ELOA: variants seen among roughly 807,000 people sequenced by gnomAD.
The protein encoded by ELOA is elongin A.
A neutral mutation model predicts 85.2 loss-of-function variants in ELOA; 15 were observed. That is an observed-to-expected ratio of 0.18 (90% CI 0.12 to 0.27). The LOEUF is 0.27. Ranked by LOEUF, ELOA falls within the 10% of genes least tolerant of loss-of-function variation. The probability of loss-of-function intolerance (pLI) is 1.00; values close to 1 mark genes in which losing one functional copy is unlikely to be tolerated. For missense variants in ELOA, 769 were observed against 952.7 expected, an observed-to-expected ratio of 0.81 and a Z score of 2.54; for synonymous variants, 348 against 357.2, an observed-to-expected ratio of 0.97 and a Z score of 0.29.
In ELOA at chr1:23,752,480, C is replaced by T; in HGVS notation, c.1499C>T (p.Ser500Phe). 1 of 1,614,122 alleles carries T rather than the reference C, an allele frequency of 6.2e-7. No individual in the cohort carries two copies. The highest frequency in any genetic ancestry group is 1.7e-4 in the Middle Eastern group (1 of 6,060). ...CAGGCCAATTACCGTCCACTGCCTT[C>T]CCTCGAGCTGATATCCTCCTTCCAG... ...AIQANYRPLP[S>F]LELISSFQPK... Residue 500 changes from serine to phenylalanine, a missense_variant, in exon 5 of 11, where the codon TCC becomes TTC. Physicochemically the swap from Ser to Phe is radical, Grantham distance 155. Around this residue, in one of 4 missense-constraint regions of ELOA, gnomAD observed 193 missense variants for 278.9 expected, o/e 0.69. Coordinates refer to ENST00000613537, the MANE Select transcript of ELOA (RefSeq NM_003198.3).
intron 1 of ELOA, among the ~76,000 whole-genome samples, chr1:23,746,608 CAA>C (rs55782205): frequency 1.0e-3 from 71 of 68,420 alleles, no homozygotes; most frequent in South Asian, 2.8e-3. Flanking sequence ...ACTCCATCTC[CAA>C]AAAAAAAAAA....
rs1413100173 is a variant in ELOA, at chr1:23,759,495, T to C, written c.2258-17T>C. 1 of 1,614,180 alleles carries C rather than the reference T, an allele frequency of 6.2e-7. No individual in the cohort carries two copies. Among genetic ancestry groups the C allele is most frequent in the Non-Finnish European group, 8.5e-7 (1 of 1,179,986 alleles). On this transcript the variant is annotated splice_polypyrimidine_tract_variant and intron_variant, in intron 10 of 10. Transcript: ENST00000613537. The stretch of plus-strand genomic sequence containing the variant: ...CGCCACAGATCTGAGACAGCTGCCT[T>C]GTTTCTCTTTTCACAGAAATTGCCC...
At position 23,761,964 on chromosome 1, in the gene ELOA, A is replaced by G. The variant is rs1350464430; in HGVS notation, c.*2391A>G. ...TCCCAAAATGTAAATACAATTTTCT[A>G]TGTTACTTTTTTGTGGTAACTACCG... On this transcript the variant is annotated 3_prime_UTR_variant, in exon 11 of 11. Transcript: ENST00000613537. 6.6e-6 allele frequency: 1 copy of G among 152,112 alleles called. No homozygotes were observed. Among genetic ancestry groups the G allele is most frequent in the South Asian group, 2.1e-4 (1 of 4,826 alleles). 9.4% of individuals were successfully genotyped at this position (152,112 alleles called of 1,614,324 possible). A position where few individuals can be genotyped will look rare whatever the true frequency, so the allele number is the denominator to read the frequency against.
chr1:23,759,915 G>C lies in ELOA; in HGVS notation c.*342G>C, dbSNP rs1638267142. Reference sequence around the variant, plus strand: ...AGATTGTATTTATATTATCCCCCAGGTTTGTTTTTGTTTTTTGTCCTCTAC... The same window carrying C: ...AGATTGTATTTATATTATCCCCCAGCTTTGTTTTTGTTTTTTGTCCTCTAC... On this transcript the variant is annotated 3_prime_UTR_variant, in exon 11 of 11. Coordinates refer to ENST00000613537, the MANE Select transcript of ELOA (RefSeq NM_003198.3). The C allele has an allele frequency of 4.1e-6, 1 of 241,932 alleles. No individual in the cohort carries two copies. The allele number at this position is 241,932 out of a possible 1,614,324, so 15.0% of individuals were successfully genotyped here. A position where few individuals can be genotyped will look rare whatever the true frequency, so the allele number is the denominator to read the frequency against.
At position 23,751,274 on chromosome 1, in the gene ELOA, G is replaced by A; in HGVS notation, c.669G>A (p.Gly223=). The change falls in exon 4 of 11, where the codon GGG becomes GGA. Residue 223 remains glycine, a synonymous_variant. Coordinates refer to ENST00000613537, the MANE Select transcript of ELOA (RefSeq NM_003198.3). ...GHSNAFQDRL[G]ASQERHLGEP... Reference sequence around the variant, plus strand: ...GCAATGCCTTTCAGGACAGACTCGGGGCCAGCCAAGAACGACACCTGGGTG... The same window carrying A: ...GCAATGCCTTTCAGGACAGACTCGGAGCCAGCCAAGAACGACACCTGGGTG... 6.2e-7 allele frequency: 1 copy of A among 1,614,198 alleles called. No homozygotes were observed. The highest frequency in any genetic ancestry group is 1.1e-5 in the South Asian group (1 of 91,082).
chr1:23,751,297 G>C lies in ELOA; in HGVS notation c.692G>C (p.Gly231Ala). Residue 231 changes from glycine (G) to alanine (A), a missense_variant, in exon 4 of 11, where the codon GGT (glycine) becomes GCT (alanine). Physicochemically the swap from Gly to Ala is moderately conservative, Grantham distance 60 (BLOSUM62 0). Coordinates refer to ENST00000613537, the MANE Select transcript of ELOA (RefSeq NM_003198.3). ...GGGGCCAGCCAAGAACGACACCTGG[G>C]TGAACCCCATGGGAAAGGGGTTGTG... is the stretch of plus-strand genomic sequence containing the variant. ...RLGASQERHL[G>A]EPHGKGVVSQ... 6.2e-7 allele frequency: 1 copy of C among 1,614,208 alleles called. No individual in the cohort carries two copies. Among genetic ancestry groups the C allele is most frequent in the Non-Finnish European group, 8.5e-7 (1 of 1,180,040 alleles).
chr1:23,758,463 C>T (rs954202756), intron 10 of ELOA, among the ~76,000 whole-genome samples: 1 of 149,056 alleles, frequency 6.7e-6, no homozygotes, highest in Non-Finnish European at 1.5e-5. Context: ...TTAGTAGACA[C>T]GGGGTTTCAC....
chr1:23,758,281 TTTTTTTTTTG>T, intron 10 of ELOA, among the ~76,000 whole-genome samples: 2 of 112,336 alleles, frequency 1.8e-5, no homozygotes, highest in African/African-American at 6.9e-5. Context: ...TTTTTTTTTT[TTTTTTTTTTG>T]GAGACAGAGT....
At position 23,757,137 on chromosome 1, in the gene ELOA, G is replaced by A; in HGVS notation, c.2257+12G>A. 5.2e-6 allele frequency: 8 copies of A among 1,525,892 alleles called. No individual in the cohort carries two copies. The highest frequency in any genetic ancestry group is 1.3e-5 in the South Asian group (1 of 78,832). 94.5% of individuals were successfully genotyped at this position (1,525,892 alleles called of 1,614,324 possible). ...ACCCACTGTGAAGAGTAAGTAACTT[G>A]GAGTTCCTGCTCAAATATTATTTCA... On this transcript the variant is annotated intron_variant, in intron 10 of 10. Transcript: ENST00000613537.
In ELOA at chr1:23,750,974, C is replaced by A. The variant is rs908840064; in HGVS notation, c.369C>A (p.Ser123=). The change falls in exon 4 of 11, where the codon TCC becomes TCA. Residue 123 remains serine, a synonymous_variant. Transcript: ENST00000613537. ...QETWKATGSR[S]YSPDHRQKKH... ...CCTGGAAAGCCACGGGGAGCCGATC[C>A]TATAGCCCTGACCACAGGCAGAAGA... The A allele has an allele frequency of 6.2e-7, 1 of 1,614,034 alleles. No individual in the cohort carries two copies. The highest frequency in any genetic ancestry group is 8.5e-7 in the Non-Finnish European group (1 of 1,180,018).
chr1:23,754,962 G>C (rs1644787996), intron 7 of ELOA, among the ~76,000 whole-genome samples: 1 of 149,600 alleles, frequency 6.7e-6, no homozygotes, highest in African/African-American at 2.5e-5. Context: ...TTGGAGATAG[G>C]GTCTACCTCT....
Position 23,759,414 on chromosome 1 carries a change from C to T in ELOA, c.2258-98C>T, listed in dbSNP as rs935596991. ...ACTTGTATCTCTGCCTGGTGGTGCA[C>T]AGCCAAGAATAGCAGAGCTGGCTTT... On this transcript the variant is annotated intron_variant, in intron 10 of 10. Coordinates refer to ENST00000613537, the MANE Select transcript of ELOA (RefSeq NM_003198.3). 86 of 1,200,842 alleles carry T rather than the reference C, an allele frequency of 7.2e-5. No homozygotes were observed. In the East Asian group the frequency reaches 2.0e-3, roughly 28 times the overall value. The allele number at this position is 1,200,842 out of a possible 1,614,324, so 74.4% of individuals were successfully genotyped here.
In ELOA at chr1:23,759,901, A is replaced by G. The variant is rs1638266865; in HGVS notation, c.*328A>G. On this transcript the variant is annotated 3_prime_UTR_variant, in exon 11 of 11. Coordinates refer to ENST00000613537, the MANE Select transcript of ELOA (RefSeq NM_003198.3). The stretch of plus-strand genomic sequence containing the variant: ...TAAATATTGCCCCCAGATTGTATTT[A>G]TATTATCCCCCAGGTTTGTTTTTGT... 7.3e-6 allele frequency: 2 copies of G among 274,168 alleles called. No individual in the cohort carries two copies. The highest frequency in any genetic ancestry group is 2.2e-5 in the African/African-American group (1 of 44,664). The allele number at this position is 274,168 out of a possible 1,614,324, so 17.0% of individuals were successfully genotyped here.
intron 5 of ELOA, among the ~76,000 whole-genome samples, chr1:23,752,900 G>A (rs1470113460): frequency 2.0e-5 from 3 of 151,998 alleles, no homozygotes; most frequent in East Asian, 1.9e-4. Context: ...CCGAGATTAC[G>A]CCATTGCACT....
intron 1 of ELOA, among the ~76,000 whole-genome samples, chr1:23,746,435 C>G (rs992099879): frequency 1.3e-5 from 2 of 151,392 alleles, no homozygotes; most frequent in African/African-American, 2.4e-5. Context: ...TGATGAAACC[C>G]CATCTCTACT....
intron 10 of ELOA, among the ~76,000 whole-genome samples, chr1:23,757,608 C>T (rs1252219404): frequency 6.6e-6 from 1 of 152,216 alleles, no homozygotes; most frequent in Admixed American, 6.5e-5. Flanking sequence ...ATGCCATTCT[C>T]CTGCCTCAGC....
intron 4 of ELOA, 67 bp from the exon 5 acceptor site, chr1:23,752,340 T>G: frequency 6.8e-7 from 1 of 1,476,694 alleles, no homozygotes. Context: ...CTCCCGGGAA[T>G]AGACTGTAGG....
In ELOA at chr1:23,761,826, A is replaced by G. The variant is rs1638301827; in HGVS notation, c.*2253A>G. On this transcript the variant is annotated 3_prime_UTR_variant, in exon 11 of 11. Coordinates refer to ENST00000613537, the MANE Select transcript of ELOA (RefSeq NM_003198.3). ...ACTACATACAAATCACCAAATTACA[A>G]ATTACCCTTTTGTGATCCTTGGTGT... The G allele has an allele frequency of 6.6e-6, 1 of 152,102 alleles. No homozygotes were observed. The highest frequency in any genetic ancestry group is 2.4e-5 in the African/African-American group (1 of 41,418). The allele number at this position is 152,102 out of a possible 1,614,324, so 9.4% of individuals were successfully genotyped here.
intron 2 of ELOA, among the ~76,000 whole-genome samples, chr1:23,749,442 A>G (rs1237985268): frequency 1.3e-5 from 2 of 152,252 alleles, no homozygotes; most frequent in African/African-American, 4.8e-5. Context: ...TTATTTCAAA[A>G]TTAGAATTAA....
Sources: gnomAD v4.1 joint callset for allele counts (sites outside exome capture counted in the v4.1 genomes callset) on GRCh38, gnomAD v4.1.1 for gene constraint, gnomAD v4.1.1 regional missense constraint, MANE v1.5 for transcripts, NCBI Gene and HGNC (gene_info 2026-07-23, HGNC 2026-07-21) for gene names.